PRIM2: variants seen among roughly 807,000 people sequenced by gnomAD.
The protein encoded by PRIM2 is DNA primase large subunit.
Under a neutral mutation model 67.3 loss-of-function variants are expected in PRIM2, and 39 were observed. The ratio of observed to expected loss-of-function variants is 0.58; its 90% CI spans 0.45 to 0.76. The LOEUF is 0.76. Ranked by LOEUF, PRIM2 falls within the 30% of genes least tolerant of loss-of-function variation. PRIM2 has a pLI of 0.00. For missense variants in PRIM2, 398 were observed against 598.7 expected (o/e 0.66, Z 3.50); for synonymous variants, 143 against 198.7 (o/e 0.72, Z 2.36).
intron 7 of PRIM2, among the ~76,000 whole-genome samples, chr6:57,388,219 T>C (rs1036652568): frequency 2.0e-5 from 3 of 152,200 alleles, no homozygotes; most frequent in Non-Finnish European, 4.4e-5. Flanking sequence ...GTGAGTGATA[T>C]GATCTGATTT....
intron 7 of PRIM2, among the ~76,000 whole-genome samples, chr6:57,410,249 G>A (rs534748365): frequency 6.6e-6 from 1 of 150,932 alleles, no homozygotes; most frequent in Admixed American, 6.6e-5. Flanking sequence ...GCTTGAATCT[G>A]GGAGGCAGAG....
chr6:57,515,099 T>C (rs1774455093), intron 8 of PRIM2, among the ~76,000 whole-genome samples: 1 of 152,212 alleles, frequency 6.6e-6, no homozygotes, highest in African/African-American at 2.4e-5. Flanking sequence ...ACTTTAATTA[T>C]AAAGTGGTCA....
chr6:57,502,017 A>G lies in PRIM2; in HGVS notation c.694-5370A>G, dbSNP rs1554346917. 1.3e-3 allele frequency among the ~76,000 whole-genome samples: 193 copies of G among 152,310 alleles called. 5 individuals are homozygous for G. In the East Asian group the frequency reaches 0.016, roughly 13 times the overall value. ...ATTTCTGCTTTATTTCTAACAATCA[A>G]TTGGTGACCCAACCCCCTCCACCAA... On this transcript the variant is annotated intron_variant, in intron 7 of 13. Transcript: ENST00000615550.
intron 7 of PRIM2, among the ~76,000 whole-genome samples, chr6:57,488,633 C>T (rs1271563880): frequency 6.6e-6 from 1 of 152,206 alleles, no homozygotes; most frequent in Non-Finnish European, 1.5e-5. Context: ...ATAACAACAC[C>T]TACTGTCAGG....
At chr6:57,445,841 A>T (rs1256232552) in intron 7 of PRIM2, among the ~76,000 whole-genome samples, 1 of 152,224 alleles carries the variant, frequency 6.6e-6, no homozygotes, top group Non-Finnish European at 1.5e-5. Flanking sequence ...GAAGAGAAAC[A>T]TGAAAATCTG....
intron 7 of PRIM2, among the ~76,000 whole-genome samples, chr6:57,448,417 T>C (rs1437730587): frequency 6.6e-6 from 1 of 152,172 alleles, no homozygotes; most frequent in Non-Finnish European, 1.5e-5. Flanking sequence ...CCAAACTCTG[T>C]AATACATTTT....
At position 57,317,669 on chromosome 6, in the gene PRIM2, CG is replaced by C. The variant is rs2127266111; in HGVS notation, c.-41del. On this transcript the variant is annotated 5_prime_UTR_variant, in exon 1 of 14. The change abolishes the stop of an existing upstream ORF in the 5' untranslated region. Transcript: ENST00000615550. ...GCCACCCGGGAACAGTGGCTGCCAC[CG>C]TTTGTGTTTTCCCGAGTTTGAATTC... 1 of 152,866 alleles carries C rather than the reference CG, an allele frequency of 6.5e-6. No homozygotes were observed. The highest frequency in any genetic ancestry group is 1.9e-4 in the East Asian group (1 of 5,176). The allele number at this position is 152,866 out of a possible 1,614,324, so 9.5% of individuals were successfully genotyped here. A position where few individuals can be genotyped will look rare whatever the true frequency, so the allele number is the denominator to read the frequency against.
At chr6:57,528,710 C>T (rs1322230347) in intron 8 of PRIM2, among the ~76,000 whole-genome samples, 1 of 152,188 alleles carries the variant, frequency 6.6e-6, no homozygotes, top group Non-Finnish European at 1.5e-5. Flanking sequence ...GAAGCTGAGA[C>T]TTATAAGGGT....
chr6:57,557,346 A>G (rs1236206155), intron 10 of PRIM2, among the ~76,000 whole-genome samples: 1 of 152,078 alleles, frequency 6.6e-6, no homozygotes, highest in Non-Finnish European at 1.5e-5. Flanking sequence ...TATTCACAAT[A>G]GCAAAGACAT....
intron 7 of PRIM2, among the ~76,000 whole-genome samples, chr6:57,436,818 ATAT>A (rs1016820916): frequency 1.3e-5 from 2 of 152,164 alleles, no homozygotes; most frequent in African/African-American, 4.8e-5. Flanking sequence ...CACTTAATAA[ATAT>A]TATTTTGTAG....
intron 10 of PRIM2, among the ~76,000 whole-genome samples, chr6:57,580,707 A>G (rs1393927407): frequency 2.0e-5 from 3 of 152,170 alleles, no homozygotes; most frequent in Non-Finnish European, 4.4e-5. Flanking sequence ...TCAAGGTTTT[A>G]TAACCTGCTT....
the PRIM2 span, among the ~76,000 whole-genome samples, chr6:57,284,275 C>G: frequency 6.6e-6 from 1 of 152,096 alleles, no homozygotes; most frequent in Non-Finnish European, 1.5e-5. Context: ...TAAGACAAAC[C>G]AGCTGCACTT....
chr6:57,505,313 G>T (rs1233935497), intron 7 of PRIM2: 1 of 152,202 alleles, frequency 6.6e-6, no homozygotes, highest in African/African-American at 2.4e-5. Context: ...TCTTGCCAGA[G>T]ATTCAATCTC....
chr6:57,237,211 T>A, the PRIM2 span, among the ~76,000 whole-genome samples: 1 of 152,292 alleles, frequency 6.6e-6, no homozygotes, highest in East Asian at 1.9e-4. Flanking sequence ...CATAAATGTC[T>A]TCTTTTGAGA....
At chr6:57,641,891 A>G (rs1219847040) in intron 13 of PRIM2, among the ~76,000 whole-genome samples, 1 of 152,230 alleles carries the variant, frequency 6.6e-6, no homozygotes, top group Admixed American at 6.5e-5. Flanking sequence ...GGTTGTACCC[A>G]AAGGATTATA....
chr6:57,311,728 G>T (rs1767395998), upstream of PRIM2, among the ~76,000 whole-genome samples: 1 of 152,046 alleles, frequency 6.6e-6, no homozygotes, highest in Non-Finnish European at 1.5e-5. Flanking sequence ...CTGCACTCCA[G>T]CCTGGGCAAC....
rs1464785491 is a variant in PRIM2 at position 57,646,563 on chromosome 6, TC to T, written c.*407del. The T allele has an allele frequency of 6.0e-6, 1 of 167,562 alleles. No individual in the cohort carries two copies. Among genetic ancestry groups the T allele is most frequent in the African/African-American group, 2.4e-5 (1 of 41,302 alleles). The allele number at this position is 167,562 out of a possible 1,614,324, so 10.4% of individuals were successfully genotyped here. ...AACTTCTCTCTTCACTGCATCCCAATCCATCTACAGGCATGCACACTTATTA... is the reference window on the plus strand; with the variant it reads ...AACTTCTCTCTTCACTGCATCCCAATCATCTACAGGCATGCACACTTATTA... On this transcript the variant is annotated 3_prime_UTR_variant, in exon 14 of 14. Coordinates refer to ENST00000615550, the MANE Select transcript of PRIM2 (RefSeq NM_000947.5).
chr6:57,264,101 T>C, the PRIM2 span, among the ~76,000 whole-genome samples: 1 of 152,246 alleles, frequency 6.6e-6, no homozygotes, highest in African/African-American at 2.4e-5. Context: ...AATATTTATG[T>C]CTTCTGAGAG....
intron 8 of PRIM2, among the ~76,000 whole-genome samples, chr6:57,525,751 A>G (rs1364538538): frequency 2.0e-5 from 3 of 152,060 alleles, no homozygotes; most frequent in Non-Finnish European, 4.4e-5. Flanking sequence ...TTTAGAAGAG[A>G]CCTCCTCTCT....
Sources: allele counts gnomAD v4.1 joint callset (sites outside exome capture counted in the v4.1 genomes callset), GRCh38; gene constraint gnomAD v4.1.1; transcripts MANE v1.5; gene names NCBI Gene and HGNC (gene_info 2026-07-23, HGNC 2026-07-21).